The following CDH22 variants were observed in gnomAD, a reference collection of about 807,000 sequenced individuals.
The protein encoded by CDH22 is cadherin-22.
CDH22 carries 30 observed loss-of-function variants against 58.4 expected under a neutral mutation model. That is an observed-to-expected ratio of 0.51 (90% CI 0.38 to 0.70). The LOEUF is 0.70. Among genes scored for constraint, CDH22 ranks in the 30% least tolerant of loss-of-function variants. CDH22 has a pLI of 0.00. For synonymous variants in CDH22, 513 were observed against 558.2 expected, an observed-to-expected ratio of 0.92 and a Z score of 1.14; for missense variants, 1,014 against 1,233.9, an observed-to-expected ratio of 0.82 and a Z score of 2.67.
chr20:46,204,907 C>T (rs1251990808), intron 7 of CDH22, among the ~76,000 whole-genome samples: 1 of 152,120 alleles, frequency 6.6e-6, no homozygotes, highest in Admixed American at 6.5e-5. Context: ...ATAGGGAAGG[C>T]TGCAGGCTTA....
In CDH22 at chr20:46,174,189, G is replaced by C. The variant is rs2085716710; in HGVS notation, c.*317C>G. The C allele has an allele frequency of 2.5e-6, 1 of 400,286 alleles. No individual in the cohort carries two copies. Among genetic ancestry groups the C allele is most frequent in the African/African-American group, 2.1e-5 (1 of 47,054 alleles). 24.8% of individuals were successfully genotyped at this position (400,286 alleles called of 1,614,324 possible). A position where few individuals can be genotyped will look rare whatever the true frequency, so the allele number is the denominator to read the frequency against. On this transcript the variant is annotated 3_prime_UTR_variant, in exon 12 of 12. Coordinates refer to ENST00000537909, the MANE Select transcript of CDH22 (RefSeq NM_021248.3). This position sits in a 1 kb window ranked among gnomAD's most constrained non-coding sequence, Gnocchi z 4.4. ...CCCTCCAGCATTCTCCCCCAGGCCA[G>C]GATTGAGTGACCCGCCCCTTCCCGA...
At chr20:46,255,473 G>A (rs1459220693) in intron 1 of CDH22, among the ~76,000 whole-genome samples, 1 of 152,242 alleles carries the variant, frequency 6.6e-6, no homozygotes, top group Non-Finnish European at 1.5e-5. Flanking sequence ...GCAACCCAGT[G>A]TCGGAGTCAC....
At chr20:46,219,433 G>A (rs1160551697) in intron 4 of CDH22, among the ~76,000 whole-genome samples, 1 of 152,212 alleles carries the variant, frequency 6.6e-6, no homozygotes, top group Non-Finnish European at 1.5e-5. Flanking sequence ...TTAAATGACA[G>A]GATTTCTCAA....
intron 1 of CDH22, among the ~76,000 whole-genome samples, chr20:46,302,544 T>C (rs2086656908): frequency 6.6e-6 from 1 of 152,204 alleles, no homozygotes; most frequent in African/African-American, 2.4e-5. Context: ...CACGTGTGCC[T>C]GGCTGGGTCC....
intron 1 of CDH22, among the ~76,000 whole-genome samples, chr20:46,303,345 T>A (rs2086660654): frequency 6.6e-6 from 1 of 152,156 alleles, no homozygotes; most frequent in African/African-American, 2.4e-5. Flanking sequence ...AGCCTGCAGG[T>A]GTGCCTCAAC....
intron 3 of CDH22, among the ~76,000 whole-genome samples, chr20:46,233,947 C>T (rs930614980): frequency 2.3e-4 from 35 of 152,342 alleles, no homozygotes; most frequent in African/African-American, 7.0e-4. Flanking sequence ...CTTGGGCCTG[C>T]GGGCTGCTGA....
intron 3 of CDH22, among the ~76,000 whole-genome samples, chr20:46,233,952 T>C (rs2086236633): frequency 6.6e-6 from 1 of 152,248 alleles, no homozygotes; most frequent in Non-Finnish European, 1.5e-5. Flanking sequence ...GCCTGCGGGC[T>C]GCTGAGCTAC....
intron 1 of CDH22, among the ~76,000 whole-genome samples, chr20:46,285,813 G>A (rs1380428490): frequency 6.6e-6 from 1 of 152,204 alleles, no homozygotes; most frequent in African/African-American, 2.4e-5. Context: ...TGGACAAGGT[G>A]CTGGGTACTC....
chr20:46,232,525 C>T lies in CDH22; in HGVS notation c.551-4898G>A, dbSNP rs115037571. On this transcript the variant is annotated intron_variant, in intron 3 of 11. Transcript: ENST00000537909. ...TGACCACATGTCATTATTATGAAGA[C>T]GTTTGTAATTATTATCATCCTGCCT... Among the ~76,000 whole-genome samples the T allele has an allele frequency of 8.6e-3, 1,316 of 152,316 alleles. 16 individuals carry two copies. The highest frequency in any genetic ancestry group is 0.03 in the African/African-American group (1,253 of 41,572).
At chr20:46,262,535 A>G (rs2086438419) in intron 1 of CDH22, among the ~76,000 whole-genome samples, 1 of 152,180 alleles carries the variant, frequency 6.6e-6, no homozygotes, top group Non-Finnish European at 1.5e-5. Context: ...GCCCAGACTC[A>G]GGCCTAGCGT....
intron 3 of CDH22, among the ~76,000 whole-genome samples, chr20:46,235,632 A>G (rs1449125880): frequency 6.6e-6 from 1 of 152,190 alleles, no homozygotes; most frequent in Admixed American, 6.5e-5. Context: ...TCAGTTGCTC[A>G]GGCCCAAAAC....
chr20:46,262,501 G>T (rs1301956701), intron 1 of CDH22, among the ~76,000 whole-genome samples: 1 of 152,064 alleles, frequency 6.6e-6, no homozygotes, highest in East Asian at 1.9e-4. Context: ...AACCTTCCTT[G>T]CTCCCTTTCC....
chr20:46,209,831 T>C (rs993493058), intron 7 of CDH22: 3 of 155,964 alleles, frequency 1.9e-5, no homozygotes, highest in African/African-American at 7.2e-5. Context: ...TGGTGGGTTT[T>C]TTTTTTCTTT....
In CDH22 at chr20:46,210,291, C is replaced by A. The variant is rs1020778578; in HGVS notation, c.1286+16G>T. The A allele has an allele frequency of 5.0e-6, 7 of 1,390,480 alleles. No individual in the cohort carries two copies. In the Admixed American group the frequency reaches 2.1e-4, roughly 42 times the overall value. The allele number at this position is 1,390,480 out of a possible 1,614,324, so 86.1% of individuals were successfully genotyped here. A position where few individuals can be genotyped will look rare whatever the true frequency, so the allele number is the denominator to read the frequency against. On this transcript the variant is annotated intron_variant, in intron 7 of 11. Transcript: ENST00000537909. This position sits in a 1 kb window ranked among gnomAD's most constrained non-coding sequence, Gnocchi z 4.5. Reference sequence around the variant, plus strand: ...GATAGCAGGCAGCAGGCGTCGGCCCCGGGCGGGGGTCTCACCGGACGGGCC... The same window carrying A: ...GATAGCAGGCAGCAGGCGTCGGCCCAGGGCGGGGGTCTCACCGGACGGGCC...
At chr20:46,206,592 C>T (rs2086003500) in intron 7 of CDH22, among the ~76,000 whole-genome samples, 1 of 152,246 alleles carries the variant, frequency 6.6e-6, no homozygotes, top group Non-Finnish European at 1.5e-5. Context: ...GAATGCTTTT[C>T]CTCACATTTT....
intron 7 of CDH22, among the ~76,000 whole-genome samples, chr20:46,202,454 T>C (rs1164163903): frequency 2.0e-5 from 3 of 151,616 alleles, no homozygotes; most frequent in African/African-American, 7.3e-5. Flanking sequence ...CCTGGGTTCA[T>C]GCCATTCTCC....
At chr20:46,211,353 T>C (rs1446662452) in intron 6 of CDH22, among the ~76,000 whole-genome samples, 1 of 152,170 alleles carries the variant, frequency 6.6e-6, no homozygotes, top group Non-Finnish European at 1.5e-5. Flanking sequence ...GCCTACCCTG[T>C]GTATGGGGTC....
chr20:46,253,566 G>A (rs961656031), intron 1 of CDH22, among the ~76,000 whole-genome samples: 9 of 152,158 alleles, frequency 5.9e-5, no homozygotes, highest in African/African-American at 2.2e-4. Flanking sequence ...TCCCAACCCT[G>A]GCAGCCCTGC....
chr20:46,274,554 G>C (rs1043272424), intron 1 of CDH22, among the ~76,000 whole-genome samples: 10 of 152,166 alleles, frequency 6.6e-5, no homozygotes, highest in African/African-American at 2.4e-4. Flanking sequence ...TGTACTATAC[G>C]ATCCAGCAGT....
Sources: allele counts gnomAD v4.1 joint callset (sites outside exome capture counted in the v4.1 genomes callset), GRCh38; gene constraint gnomAD v4.1.1; non-coding constraint Gnocchi (gnomAD v3.1); transcripts MANE v1.5; gene names NCBI Gene and HGNC (gene_info 2026-07-23, HGNC 2026-07-21).